NRXN3: variants seen among roughly 807,000 people sequenced by gnomAD.
The protein encoded by NRXN3 is neurexin 3.
NRXN3 carries 32 observed loss-of-function variants against 137.6 expected under a neutral mutation model. The observed-to-expected ratio is 0.23, with a 90% CI of 0.18 to 0.31. The LOEUF is 0.31. Ranked by LOEUF, NRXN3 falls within the 10% of genes least tolerant of loss-of-function variation. The pLI is 1.00. For synonymous variants in NRXN3, 798 were observed against 784.5 expected (o/e 1.02, Z -0.29); for missense variants, 1,574 against 2,062.5 (o/e 0.76, Z 4.59).
chr14:78,364,288 G>A (rs1436080889), intron 4 of NRXN3, among the ~76,000 whole-genome samples: 1 of 152,178 alleles, frequency 6.6e-6, no homozygotes, highest in East Asian at 1.9e-4. Flanking sequence ...GGCTACAGTG[G>A]GAGAGAGTTT....
At chr14:79,358,367 A>G (rs2093505825) in intron 15 of NRXN3, among the ~76,000 whole-genome samples, 1 of 151,772 alleles carries the variant, frequency 6.6e-6, no homozygotes, top group Non-Finnish European at 1.5e-5. Flanking sequence ...TCAGGAGATC[A>G]AGACTATCCT....
At chr14:79,716,719 T>C (rs191655267) in intron 19 of NRXN3, among the ~76,000 whole-genome samples, 2 of 152,292 alleles carry the variant, frequency 1.3e-5, no homozygotes, top group East Asian at 3.9e-4. Context: ...GTCAATTTCT[T>C]TTTAATTGTA....
At chr14:79,005,930 A>G (rs769385852) in intron 15 of NRXN3, among the ~76,000 whole-genome samples, 17 of 152,044 alleles carry the variant, frequency 1.1e-4, no homozygotes, top group Admixed American at 2.0e-4. Context: ...GATCTTACAC[A>G]TATTTGTTAA....
chr14:79,356,311 A>G (rs1176138396), intron 15 of NRXN3, among the ~76,000 whole-genome samples: 1 of 152,090 alleles, frequency 6.6e-6, no homozygotes, highest in African/African-American at 2.4e-5. Flanking sequence ...TTATGCAGGC[A>G]TAGCTCCTCA....
chr14:79,626,359 C>T (rs1006683103), intron 16 of NRXN3, among the ~76,000 whole-genome samples: 1 of 151,962 alleles, frequency 6.6e-6, no homozygotes, highest in South Asian at 2.1e-4. Context: ...CATGATGGGT[C>T]TCAGTCATAC....
intron 15 of NRXN3, among the ~76,000 whole-genome samples, chr14:79,261,197 G>A (rs1191073599): frequency 6.6e-6 from 1 of 152,142 alleles, no homozygotes; most frequent in Non-Finnish European, 1.5e-5. Context: ...AACGAAAGCT[G>A]AAGGAGTGGA....
intron 16 of NRXN3, among the ~76,000 whole-genome samples, chr14:79,475,759 G>A (rs191478388): frequency 2.0e-5 from 3 of 152,022 alleles, no homozygotes; most frequent in African/African-American, 7.2e-5. Context: ...ATTTTCCTAA[G>A]CAATGAATAA....
intron 15 of NRXN3, among the ~76,000 whole-genome samples, chr14:79,172,203 C>G (rs938097367): frequency 7.2e-6 from 1 of 139,436 alleles, no homozygotes; most frequent in African/African-American, 2.5e-5. Flanking sequence ...AAAAAAAAAA[C>G]AATTAACTGT....
intron 2 of NRXN3, among the ~76,000 whole-genome samples, chr14:78,252,765 T>C (rs1355625647): frequency 6.6e-6 from 1 of 152,206 alleles, no homozygotes; most frequent in Non-Finnish European, 1.5e-5. Flanking sequence ...TGCCTGCAGC[T>C]CTTGGAGAAT....
intron 15 of NRXN3, among the ~76,000 whole-genome samples, chr14:79,326,784 T>C (rs1169081479): frequency 5.2e-4 from 79 of 152,282 alleles, no homozygotes; most frequent in Non-Finnish European, 1.0e-4. Flanking sequence ...ACCAAATATA[T>C]GTTTTAGTTT....
rs186876842 is a variant in NRXN3, at chr14:78,248,941, C to T, written c.709+5139C>T. ...CCAGCCAGCAGGGGCTGTCACTAAACGGAGCCTGAATAGGGGTCTGATTGC... is the reference window on the plus strand; with the variant it reads ...CCAGCCAGCAGGGGCTGTCACTAAATGGAGCCTGAATAGGGGTCTGATTGC... On this transcript the variant is annotated intron_variant, in intron 2 of 20. Transcript: ENST00000335750. Among the ~76,000 whole-genome samples the T allele has an allele frequency of 2.0e-4, 30 of 152,304 alleles. No homozygotes were observed. The East Asian group carries it at 4.2e-3, about 22-fold the overall frequency.
chr14:78,908,072 TTTG>T (rs1251357546), intron 10 of NRXN3, among the ~76,000 whole-genome samples: 10 of 152,122 alleles, frequency 6.6e-5, no homozygotes, highest in African/African-American at 2.4e-4. Context: ...ATTCCATGTC[TTTG>T]TTATTGTGAA....
At position 78,446,199 on chromosome 14, in the gene NRXN3, C is replaced by T. The variant is rs117975450; in HGVS notation, c.757+148339C>T. Among the ~76,000 whole-genome samples the T allele has an allele frequency of 5.4e-3, 828 of 152,244 alleles. 28 individuals are homozygous for T. In the East Asian group the frequency reaches 0.069, roughly 13 times the overall value. ...TTTTTAACTCAGCGCAAGTTTTGTT[C>T]GCTTTAGATTTTTGGGCTACTCCCA... is the stretch of plus-strand genomic sequence containing the variant. On this transcript the variant is annotated intron_variant, in intron 4 of 20. Coordinates refer to ENST00000335750, the MANE Select transcript of NRXN3 (RefSeq NM_001330195.2).
At chr14:78,822,094 T>C (rs1489272983) in intron 10 of NRXN3, among the ~76,000 whole-genome samples, 1 of 152,152 alleles carries the variant, frequency 6.6e-6, no homozygotes, top group African/African-American at 2.4e-5. Flanking sequence ...CTTCATTCTT[T>C]CCCCTCTTCA....
intron 15 of NRXN3, among the ~76,000 whole-genome samples, chr14:79,264,933 A>G (rs1042374080): frequency 3.3e-5 from 5 of 152,300 alleles, no homozygotes; most frequent in Admixed American, 6.5e-5. Flanking sequence ...AGGTTTATTT[A>G]GTATTACATA....
chr14:79,326,625 G>A (rs527823756), intron 15 of NRXN3, among the ~76,000 whole-genome samples: 4 of 152,202 alleles, frequency 2.6e-5, no homozygotes, highest in African/African-American at 7.2e-5. Flanking sequence ...ACCTTGGTCC[G>A]TTTCTGTCTC....
intron 20 of NRXN3, among the ~76,000 whole-genome samples, chr14:79,840,105 G>A (rs921700594): frequency 1.3e-5 from 2 of 152,146 alleles, no homozygotes; most frequent in Admixed American, 6.6e-5. Context: ...GGTCACAGAA[G>A]TTGGATCACA....
chr14:79,611,362 G>T (rs1357062246), intron 16 of NRXN3: 1 of 152,228 alleles, frequency 6.6e-6, no homozygotes, highest in African/African-American at 2.4e-5. Flanking sequence ...CACTTTGGGA[G>T]GCCAAGGCGG....
At chr14:78,295,203 C>T (rs1023001527) in intron 3 of NRXN3, among the ~76,000 whole-genome samples, 5 of 152,042 alleles carry the variant, frequency 3.3e-5, no homozygotes, top group Admixed American at 1.3e-4. Flanking sequence ...TAAAACAAAC[C>T]GTATTATGGT....
Sources: gnomAD v4.1 joint callset for allele counts (sites outside exome capture counted in the v4.1 genomes callset) on GRCh38, gnomAD v4.1.1 for gene constraint, MANE v1.5 for transcripts, NCBI Gene and HGNC (gene_info 2026-07-23, HGNC 2026-07-21) for gene names.